Variants in PEX1 observed in about 807,000 individuals in gnomAD.
PEX1 encodes peroxisomal ATPase PEX1.
Under a neutral mutation model 152.5 loss-of-function variants are expected in PEX1, and 97 were observed. The observed-to-expected ratio is 0.64, with a 90% CI of 0.54 to 0.75. The LOEUF (loss-of-function observed/expected upper bound fraction) is 0.75. PEX1 is among the 30% of genes least tolerant of loss of function. The pLI is 0.00. For synonymous variants in PEX1, 485 were observed against 531.6 expected (o/e 0.91, Z 1.21); for missense variants, 1,357 against 1,516.3 (o/e 0.89, Z 1.74).
Position 92,517,407 on chromosome 7 carries a change from T to G in PEX1, c.1108A>C (p.Ile370Leu), listed in dbSNP as rs1240571376. 7 of 1,567,166 alleles carry G rather than the reference T, an allele frequency of 4.5e-6. No homozygotes were observed. Among genetic ancestry groups the G allele is most frequent in the Non-Finnish European group, 6.1e-6 (7 of 1,141,780 alleles). Residue 370 changes from isoleucine to leucine, a missense_variant, in exon 5 of 24, where the codon ATT becomes CTT. By Grantham distance (5) the Ile-to-Leu change is conservative. Coordinates refer to ENST00000248633, the MANE Select transcript of PEX1 (RefSeq NM_000466.3). ...TCTTCTTCATTATGATCTGACCTAATTTTTTTTTGATCTAGTGGCTCTGAC... is the reference window on the plus strand; with the variant it reads ...TCTTCTTCATTATGATCTGACCTAAGTTTTTTTTGATCTAGTGGCTCTGAC... ...QMSEPLDQKK[I>L]RSDHNEEDEK...
At chr7:92,517,147 A>G (rs1792825459) in intron 5 of PEX1, 129 bp downstream of exon 5, 1 of 748,794 alleles carries the variant, frequency 1.3e-6, no homozygotes, top group East Asian at 2.7e-5. Context: ...TGTGTCCCCC[A>G]AGTGCCTTTA....
intron 1 of PEX1, among the ~76,000 whole-genome samples, chr7:92,526,029 T>G (rs1793250631): frequency 6.6e-6 from 1 of 152,052 alleles, no homozygotes; most frequent in Non-Finnish European, 1.5e-5. Context: ...GTGAGAACGG[T>G]AGGTTGGGTG....
rs768702189 is a variant in PEX1, at chr7:92,522,227, C to T, written c.148G>A (p.Val50Ile). 14 of 1,613,918 alleles carry T rather than the reference C, an allele frequency of 8.7e-6. No individual in the cohort carries two copies. The highest frequency in any genetic ancestry group is 3.3e-5 in the Admixed American group (2 of 59,980). The stretch of plus-strand genomic sequence containing the variant: ...AAGAATGCAGGCTGGTGACTCCAGA[C>T]CACTTCTATAGCTTGATTCTATTCA... ...HLLQNQAIEVVWSHQPAFLSW... is the reference protein window; with the variant it reads ...HLLQNQAIEVIWSHQPAFLSW... The change falls in exon 2 of 24, where the codon GTC (valine) becomes ATC (isoleucine). Residue 50 changes from valine to isoleucine, a missense_variant. Transcript: ENST00000248633.
rs751398254 is a variant in PEX1, at chr7:92,528,437, G to A, written c.-2C>T. 8.2e-6 allele frequency: 13 copies of A among 1,581,376 alleles called. No homozygotes were observed. The highest frequency in any genetic ancestry group is 2.7e-5 in the African/African-American group (2 of 74,206). On this transcript the variant is annotated 5_prime_UTR_variant, in exon 1 of 24. It adds an upstream start codon to the 5' untranslated region. Coordinates refer to ENST00000248633, the MANE Select transcript of PEX1 (RefSeq NM_000466.3). Reference sequence around the variant, plus strand: ...CGCCAGGCGATCGCTGCCCCACATCGTCCCGGAGCGTCGCTCTGGGTTCGC... The same window carrying A: ...CGCCAGGCGATCGCTGCCCCACATCATCCCGGAGCGTCGCTCTGGGTTCGC...
chr7:92,509,087 A>G (rs535973311), intron 9 of PEX1, among the ~76,000 whole-genome samples: 1 of 152,140 alleles, frequency 6.6e-6, no homozygotes, highest in African/African-American at 2.4e-5. Flanking sequence ...CGAAGAAGAC[A>G]AGGTTATCCC....
At chr7:92,487,822 A>T (rs1426299119) in intron 23 of PEX1, among the ~76,000 whole-genome samples, 4 of 152,226 alleles carry the variant, frequency 2.6e-5, no homozygotes, top group African/African-American at 9.6e-5. Context: ...TTAATCAAAG[A>T]AATGTAAATT....
intron 17 of PEX1, among the ~76,000 whole-genome samples, chr7:92,496,227 A>G (rs1301669813): frequency 6.6e-6 from 1 of 152,098 alleles, no homozygotes. Flanking sequence ...CCATAATGCT[A>G]TCACATTTGA....
intron 11 of PEX1, 91 bp from the exon 12 acceptor site, chr7:92,504,993 ATTGAT>A: frequency 2.2e-6 from 2 of 923,690 alleles, no homozygotes; most frequent in Admixed American, 1.8e-5. Flanking sequence ...AAAGCTCGAT[ATTGAT>A]TTAACTATAA....
intron 5 of PEX1, among the ~76,000 whole-genome samples, chr7:92,515,866 C>A (rs576453391): frequency 6.6e-6 from 1 of 151,656 alleles, no homozygotes; most frequent in Non-Finnish European, 1.5e-5. Context: ...TGGTGGCGCA[C>A]ACTTGTAGTC....
chr7:92,492,198 G>A (rs989036989), intron 20 of PEX1, among the ~76,000 whole-genome samples: 1 of 152,124 alleles, frequency 6.6e-6, no homozygotes, highest in African/African-American at 2.4e-5. Context: ...CCATGCTGGA[G>A]TGCAGTGGCA....
rs1260102599 is a variant in PEX1 at position 92,489,694 on chromosome 7, T to C, written c.3636+20A>G. ...TTTTAAGAAGTTTTAACAATTATAA[T>C]GAGGGGGAAAAAGCCATACTCCACT... On this transcript the variant is annotated intron_variant, in intron 22 of 23. Coordinates refer to ENST00000248633, the MANE Select transcript of PEX1 (RefSeq NM_000466.3). The C allele has an allele frequency of 1.2e-6, 2 of 1,601,182 alleles. No individual in the cohort carries two copies. The highest frequency in any genetic ancestry group is 1.7e-6 in the Non-Finnish European group (2 of 1,168,258).
chr7:92,499,036 C>T (rs561113691), intron 16 of PEX1, among the ~76,000 whole-genome samples: 75 of 152,276 alleles, frequency 4.9e-4, no homozygotes, highest in Admixed American at 3.7e-3. Flanking sequence ...CTCCCACTAG[C>T]TTTCCAAATG....
rs1352544207 is a variant in PEX1, at chr7:92,507,060, C to A, written c.1737G>T (p.Leu579Phe). 2 of 1,613,880 alleles carry A rather than the reference C, an allele frequency of 1.2e-6. No homozygotes were observed. Among genetic ancestry groups the A allele is most frequent in the African/African-American group, 1.3e-5 (1 of 74,892 alleles). Residue 579 changes from leucine (L) to phenylalanine (F), a missense_variant, in exon 10 of 24, where the codon TTG (leucine) becomes TTT (phenylalanine). Coordinates refer to ENST00000248633, the MANE Select transcript of PEX1 (RefSeq NM_000466.3). ...HITHSLLGRPLSRQLMSLVAG... is the reference protein window; with the variant it reads ...HITHSLLGRPFSRQLMSLVAG... ...CAACAAGAGACATCAGCTGCCGAGA[C>A]AAAGGGCGTCCCAGGAGGCTGTGAG...
rs370441413 is a variant in PEX1, at chr7:92,517,534, G to C, written c.981C>G (p.Ser327Arg). ...CTAGCTTTCCATATGTCACAGTAAA[G>C]CTGGGCTCTACATCAAAATATTCCT... ...WDQEYFDVEP[S>R]FTVTYGKLVK... Residue 327 changes from serine to arginine, a missense_variant, in exon 5 of 24, where the codon AGC becomes AGG. By Grantham distance (110) the Ser-to-Arg change is moderately radical. Transcript: ENST00000248633. The C allele has an allele frequency of 5.6e-6, 9 of 1,614,040 alleles. No homozygotes were observed. The highest frequency in any genetic ancestry group is 5.3e-5 in the African/African-American group (4 of 75,022).
rs886062508 is a variant in PEX1 at position 92,528,297 on chromosome 7, G to C, written c.129+10C>G. On this transcript the variant is annotated intron_variant, in intron 1 of 23. Transcript: ENST00000248633. ...GCTGAAGATCAGGTGGCTCGGGGCC[G>C]GCAGGTTACCTGCAGCAGATGCAGC... is the stretch of plus-strand genomic sequence containing the variant. 4.5e-6 allele frequency: 7 copies of C among 1,553,212 alleles called. No individual in the cohort carries two copies. The African/African-American group carries it at 8.2e-5, about 18-fold the overall frequency.
intron 23 of PEX1, among the ~76,000 whole-genome samples, chr7:92,487,743 A>C (rs533921699): frequency 6.6e-6 from 1 of 152,200 alleles, no homozygotes; most frequent in Non-Finnish European, 1.5e-5. Flanking sequence ...AAAGGGGATG[A>C]AGAGACAAGT....
At chr7:92,513,563 G>A (rs1174927536) in intron 6 of PEX1, among the ~76,000 whole-genome samples, 1 of 152,062 alleles carries the variant, frequency 6.6e-6, no homozygotes, top group Non-Finnish European at 1.5e-5. Context: ...GAGTGGACGG[G>A]GAATTATTGT....
chr7:92,492,300 T>C (rs1234021570), intron 20 of PEX1, among the ~76,000 whole-genome samples: 1 of 152,150 alleles, frequency 6.6e-6, no homozygotes. Flanking sequence ...TGTGCCACCA[T>C]GCCCAGCTAA....
rs1358950286 is a variant in PEX1 at position 92,516,035 on chromosome 7, AG to A, written c.1239+1240del. On this transcript the variant is annotated intron_variant, in intron 5 of 23. Transcript: ENST00000248633. ...AGAGAAGAGAAGAGAAGAGAAGAGAAGAGAAGAGAAGAGAAGAGAAAAAAGA... is the reference window on the plus strand; with the variant it reads ...AGAGAAGAGAAGAGAAGAGAAGAGAAAGAAGAGAAGAGAAGAGAAAAAAGA... Among the ~76,000 whole-genome samples the A allele has an allele frequency of 7.4e-5, 8 of 108,320 alleles. No individual in the cohort carries two copies. The East Asian group carries it at 1.8e-3, about 24-fold the overall frequency. The allele number at this position is 108,320 out of a possible 152,430, so 71.1% of individuals were successfully genotyped here.
Sources: gnomAD v4.1 joint callset for allele counts (sites outside exome capture counted in the v4.1 genomes callset) on GRCh38, gnomAD v4.1.1 for gene constraint, MANE v1.5 for transcripts, NCBI Gene and HGNC (gene_info 2026-07-23, HGNC 2026-07-21) for gene names.